Variants in HEATR6 observed in about 807,000 individuals in gnomAD.
HEATR6 encodes the protein HEAT repeat-containing protein 6.
A neutral mutation model predicts 132.8 loss-of-function variants in HEATR6; 106 were observed. The observed-to-expected ratio is 0.80, with a 90% CI of 0.68 to 0.94. The LOEUF (loss-of-function observed/expected upper bound fraction) is 0.94. Ranked by LOEUF, HEATR6 falls within the 40% of genes least tolerant of loss-of-function variation. The probability of loss-of-function intolerance (pLI) is 0.00; values close to 1 mark genes in which losing one functional copy is unlikely to be tolerated. For synonymous variants in HEATR6, 529 were observed against 537.8 expected, an observed-to-expected ratio of 0.98 and a Z score of 0.23; for missense variants, 1,339 against 1,425.1, an observed-to-expected ratio of 0.94 and a Z score of 0.97.
intron 14 of HEATR6, among the ~76,000 whole-genome samples, chr17:60,055,182 G>A (rs1906703894): frequency 6.6e-6 from 1 of 152,150 alleles, no homozygotes; most frequent in Admixed American, 6.5e-5. Flanking sequence ...TTCCTCAGAG[G>A]TAGATGCTGG....
At chr17:60,047,529 G>T in intron 17 of HEATR6, 124 bp from the exon 18 acceptor site, 1 of 431,524 alleles carries the variant, frequency 2.3e-6, no homozygotes. Context: ...AATCTGCTTA[G>T]ATTATATCAA....
chr17:60,076,127 T>C lies in HEATR6; in HGVS notation c.327+3A>G. Reference sequence around the variant, plus strand: ...TGAATTCTAGAGTTACATACATGATTACCTGTAATCTGTTAAGTAAATGGT... The same window carrying C: ...TGAATTCTAGAGTTACATACATGATCACCTGTAATCTGTTAAGTAAATGGT... On this transcript the variant is annotated splice_donor_region_variant and intron_variant, in intron 2 of 19. Coordinates refer to ENST00000184956, the MANE Select transcript of HEATR6 (RefSeq NM_022070.5). The C allele has an allele frequency of 6.6e-7, 1 of 1,524,568 alleles. No homozygotes were observed. The highest frequency in any genetic ancestry group is 9.1e-7 in the Non-Finnish European group (1 of 1,100,216). The allele number at this position is 1,524,568 out of a possible 1,614,324, so 94.4% of individuals were successfully genotyped here. A position where few individuals can be genotyped will look rare whatever the true frequency, so the allele number is the denominator to read the frequency against.
At chr17:60,072,753 T>C (rs1352110686) in intron 4 of HEATR6, among the ~76,000 whole-genome samples, 1 of 152,240 alleles carries the variant, frequency 6.6e-6, no homozygotes, top group South Asian at 2.1e-4. Flanking sequence ...TACTGCCTAC[T>C]GTGAGAATCG....
chr17:60,066,340 A>G lies in HEATR6; in HGVS notation c.1285T>C (p.Ser429Pro). The change falls in exon 9 of 20, where the codon TCT (serine) becomes CCT (proline). Residue 429 changes from serine to proline, a missense_variant. Transcript: ENST00000184956. ...TTTTTTTCTATCGATTTTATAGTAG[A>G]AAGAAAACAAACTAAGGCTCCTTGG... ...VRQGALVCFL[S>P]TIKSIEKKVL... 6.2e-7 allele frequency: 1 copy of G among 1,613,708 alleles called. No individual in the cohort carries two copies. Among genetic ancestry groups the G allele is most frequent in the Non-Finnish European group, 8.5e-7 (1 of 1,179,858 alleles).
At chr17:60,078,195 GA>G (rs987777280) in intron 1 of HEATR6, among the ~76,000 whole-genome samples, 1 of 152,204 alleles carries the variant, frequency 6.6e-6, no homozygotes, top group Non-Finnish European at 1.5e-5. Context: ...AAAGACGGCA[GA>G]GGGGAGGAGC....
At chr17:60,057,727 T>A (rs1906790816) in intron 11 of HEATR6, among the ~76,000 whole-genome samples, 2 of 152,172 alleles carry the variant, frequency 1.3e-5, no homozygotes, top group South Asian at 4.1e-4. Flanking sequence ...ACTCTACATT[T>A]AAAAAGACTA....
rs1258466407 is a variant in HEATR6 at position 60,076,263 on chromosome 17, T to C, written c.220-26A>G. 3.2e-6 allele frequency: 4 copies of C among 1,256,048 alleles called. No homozygotes were observed. In the East Asian group the frequency reaches 7.0e-5, roughly 22 times the overall value. The allele number at this position is 1,256,048 out of a possible 1,614,324, so 77.8% of individuals were successfully genotyped here. On this transcript the variant is annotated intron_variant, in intron 1 of 19. Transcript: ENST00000184956. ...CTACCAAAAAAAAAAAGATAAGAGG[T>C]AAAATACTTATTAGTCAAGTGAAGA...
intron 2 of HEATR6, among the ~76,000 whole-genome samples, chr17:60,074,716 C>T (rs1180473828): frequency 1.3e-5 from 2 of 152,186 alleles, no homozygotes; most frequent in Non-Finnish European, 2.9e-5. Flanking sequence ...CCTGGGGCAA[C>T]CTTAACCCCC....
intron 2 of HEATR6, chr17:60,074,154 T>C: frequency 8.5e-7 from 1 of 1,172,294 alleles, no homozygotes; most frequent in Non-Finnish European, 1.1e-6. Context: ...AACCAGACAT[T>C]GGCAGCTGTG....
Position 60,043,505 on chromosome 17 carries a change from G to T in HEATR6, c.*58C>A. The T allele has an allele frequency of 1.5e-6, 2 of 1,324,744 alleles. No individual in the cohort carries two copies. Among genetic ancestry groups the T allele is most frequent in the Non-Finnish European group, 2.1e-6 (2 of 945,056 alleles). The allele number at this position is 1,324,744 out of a possible 1,614,324, so 82.1% of individuals were successfully genotyped here. ...TAAGATGAAATCCCACAGATCTTAT[G>T]CTCAAGCTCAGGTCTTCCTACTGCC... On this transcript the variant is annotated 3_prime_UTR_variant, in exon 20 of 20. Coordinates refer to ENST00000184956, the MANE Select transcript of HEATR6 (RefSeq NM_022070.5).
chr17:60,076,091 A>C, intron 2 of HEATR6, 39 bp downstream of exon 2: 1 of 1,220,402 alleles, frequency 8.2e-7, no homozygotes, highest in Non-Finnish European at 1.2e-6. Context: ...TTACTCTCAA[A>C]GTTCATGATC....
At chr17:60,073,625 C>A in intron 3 of HEATR6, 121 bp downstream of exon 3, 1 of 915,974 alleles carries the variant, frequency 1.1e-6, no homozygotes, top group Non-Finnish European at 1.7e-6. Flanking sequence ...GGAAACAAGG[C>A]CCAGAGTGGT....
In HEATR6 at chr17:60,046,030, G is replaced by A. The variant is rs1906353076; in HGVS notation, c.2969C>T (p.Pro990Leu). The change falls in exon 19 of 20, where the codon CCT becomes CTT. Residue 990 changes from proline to leucine, a missense_variant. Physicochemically the swap from Pro to Leu is moderately conservative, Grantham distance 98 (BLOSUM62 -3). Coordinates refer to ENST00000184956, the MANE Select transcript of HEATR6 (RefSeq NM_022070.5). ...MGNVFKNPAL[P>L]LGTAPWTSQA... ...GTGAAGGGAAACTTTCTTACCTAAA[G>A]GAAGGGCAGGATTTTTAAATACATT... The A allele has an allele frequency of 6.2e-7, 1 of 1,612,824 alleles. No homozygotes were observed. The highest frequency in any genetic ancestry group is 1.1e-5 in the South Asian group (1 of 91,022).
intron 11 of HEATR6, 96 bp from the exon 12 acceptor site, chr17:60,057,499 G>A: frequency 1.3e-6 from 1 of 771,890 alleles, no homozygotes; most frequent in Non-Finnish European, 2.1e-6. Context: ...GTAGTTCCTT[G>A]TGTAACCTGA....
chr17:60,066,989 G>A (rs908171359), intron 8 of HEATR6, among the ~76,000 whole-genome samples: 2 of 152,136 alleles, frequency 1.3e-5, no homozygotes, highest in Non-Finnish European at 2.9e-5. Context: ...AGAACAAGTC[G>A]GCCGGGCGCG....
chr17:60,074,075 G>A (rs756329804), intron 2 of HEATR6, 189 bp from the exon 3 acceptor site: 4 of 1,286,510 alleles, frequency 3.1e-6, no homozygotes, highest in African/African-American at 1.5e-5. Context: ...CCCACCCCAA[G>A]GTCTTGCTCA....
Position 60,050,735 on chromosome 17 carries a change from C to T in HEATR6, c.2424+108G>A, listed in dbSNP as rs1383128913. The T allele has an allele frequency of 2.9e-6, 4 of 1,359,648 alleles. No homozygotes were observed. In the East Asian group the frequency reaches 9.2e-5, roughly 31 times the overall value. 84.2% of individuals were successfully genotyped at this position (1,359,648 alleles called of 1,614,324 possible). On this transcript the variant is annotated intron_variant, in intron 15 of 19. Coordinates refer to ENST00000184956, the MANE Select transcript of HEATR6 (RefSeq NM_022070.5). ...TCCCCAACTCAAGTAGAACTAGCGC[C>T]TTTTCATCAGAGATGATGCTGAATA...
At position 60,072,219 on chromosome 17, in the gene HEATR6, C is replaced by A. The variant is rs751095868; in HGVS notation, c.695G>T (p.Cys232Phe). 1 of 1,539,196 alleles carries A rather than the reference C, an allele frequency of 6.5e-7. No homozygotes were observed. Among genetic ancestry groups the A allele is most frequent in the Non-Finnish European group, 8.9e-7 (1 of 1,117,610 alleles). The change falls in exon 5 of 20, where the codon TGC (cysteine) becomes TTC (phenylalanine). Residue 232 changes from cysteine (C) to phenylalanine (F), a missense_variant. Coordinates refer to ENST00000184956, the MANE Select transcript of HEATR6 (RefSeq NM_022070.5). ...CGTCAATGATAGTCCACTTACCATGCAAAATGTGATATCATCCATATCAGA... is the reference window on the plus strand; with the variant it reads ...CGTCAATGATAGTCCACTTACCATGAAAAATGTGATATCATCCATATCAGA... Reference protein sequence around the residue: ...KSSDMDDITFCMLLQNALKGI... With the variant: ...KSSDMDDITFFMLLQNALKGI...
chr17:60,071,127 GAT>G (rs1353390424), intron 5 of HEATR6, among the ~76,000 whole-genome samples: 1 of 152,270 alleles, frequency 6.6e-6, no homozygotes, highest in East Asian at 1.9e-4. Context: ...GGATAAAAAA[GAT>G]AGCACAGATC....
Sources: allele counts gnomAD v4.1 joint callset (sites outside exome capture counted in the v4.1 genomes callset), GRCh38; gene constraint gnomAD v4.1.1; transcripts MANE v1.5; gene names NCBI Gene and HGNC (gene_info 2026-07-23, HGNC 2026-07-21).